Variants in PLG observed in about 807,000 individuals in gnomAD.
PLG encodes plasminogen, also known as plasmin.
In PLG, 41 loss-of-function variants were observed where a neutral mutation model predicts 104.4. That is an observed-to-expected ratio of 0.39 (90% CI 0.31 to 0.51). The LOEUF (loss-of-function observed/expected upper bound fraction) is 0.51. PLG is among the 20% of genes least tolerant of loss of function. The pLI, the probability that PLG is intolerant of heterozygous loss-of-function variation, is 0.76. For synonymous variants in PLG, 337 were observed against 357.1 expected, an observed-to-expected ratio of 0.94 and a Z score of 0.63; for missense variants, 891 against 1,003.6, an observed-to-expected ratio of 0.89 and a Z score of 1.52.
At chr6:160,743,864 T>C (rs546432054) in intron 17 of PLG, among the ~76,000 whole-genome samples, 2 of 152,210 alleles carry the variant, frequency 1.3e-5, no homozygotes, top group African/African-American at 2.4e-5. Flanking sequence ...GAGTTTTCAA[T>C]ATAAAGGATG....
chr6:160,715,017 C>T (rs764569891), intron 6 of PLG, 103 bp downstream of exon 6: 161 of 1,170,992 alleles, frequency 1.4e-4, no homozygotes, highest in Middle Eastern at 2.7e-4. Flanking sequence ...AAGAAGTGAA[C>T]GCCTGATGTT....
chr6:160,704,788 C>T (rs1777486954), intron 1 of PLG, among the ~76,000 whole-genome samples: 1 of 152,340 alleles, frequency 6.6e-6, no homozygotes, highest in East Asian at 1.9e-4. Context: ...TGGCCGAGGA[C>T]TTTGCATGAA....
At chr6:160,733,846 GAAAAAAAAA>G (rs10540264) in intron 12 of PLG, 140 bp from the exon 13 acceptor site, 135 of 349,562 alleles carry the variant, frequency 3.9e-4, no homozygotes, top group East Asian at 1.3e-3. Context: ...CTCCACCTCA[GAAAAAAAAA>G]AAAAAAAAAA....
At chr6:160,728,148 T>C (rs1164533830) in intron 10 of PLG, among the ~76,000 whole-genome samples, 1 of 151,992 alleles carries the variant, frequency 6.6e-6, no homozygotes, top group African/African-American at 2.4e-5. Flanking sequence ...TGTATTTTTA[T>C]ACACTGCCAA....
Position 160,736,494 on chromosome 6 carries a change from A to AGATGGT in PLG, c.1682-382_1682-377dup, listed in dbSNP as rs1165504866. Among the ~76,000 whole-genome samples, 2 of 152,328 alleles carry AGATGGT rather than the reference A, an allele frequency of 1.3e-5. No homozygotes were observed. Among genetic ancestry groups the AGATGGT allele is most frequent in the Admixed American group, 6.5e-5 (1 of 15,302 alleles). On this transcript the variant is annotated intron_variant, in intron 13 of 18. Transcript: ENST00000308192. The surrounding 1 kb of genome is among the most constrained non-coding windows in gnomAD (Gnocchi z 5.2). ...GTTTTCAGTAAACTTTACATGGTTT[A>AGATGGT]GATGGTGATGGTGATGATGATGATT... is the stretch of plus-strand genomic sequence containing the variant.
chr6:160,710,979 C>G (rs1292813613), intron 3 of PLG, 98 bp from the exon 4 acceptor site: 4 of 1,054,264 alleles, frequency 3.8e-6, no homozygotes, highest in Non-Finnish European at 1.5e-6. Flanking sequence ...AACAGGGGGT[C>G]TGGTGCATGA....
chr6:160,710,981 G>T, intron 3 of PLG, 96 bp from the exon 4 acceptor site: 2 of 1,080,530 alleles, frequency 1.9e-6, no homozygotes, highest in African/African-American at 1.5e-5. Context: ...CAGGGGGTCT[G>T]GTGCATGAGA....
At chr6:160,730,580 G>A (rs905663883) in intron 10 of PLG, among the ~76,000 whole-genome samples, 8 of 152,280 alleles carry the variant, frequency 5.3e-5, no homozygotes, top group Non-Finnish European at 1.0e-4. Flanking sequence ...CATCTTGGAT[G>A]TCATTTTCTC....
Position 160,736,784 on chromosome 6 carries a change from C to A in PLG, c.1682-103C>A. ...ATGATGATTTTACTATTTAGTTCGG[C>A]CTTTAAGATGTCAAAAACTCAGTGC... On this transcript the variant is annotated intron_variant, in intron 13 of 18. Transcript: ENST00000308192. The surrounding 1 kb of genome is among the most constrained non-coding windows in gnomAD (Gnocchi z 5.2). 1 of 1,443,788 alleles carries A rather than the reference C, an allele frequency of 6.9e-7. No individual in the cohort carries two copies. Among genetic ancestry groups the A allele is most frequent in the Non-Finnish European group, 9.7e-7 (1 of 1,030,302 alleles). The allele number at this position is 1,443,788 out of a possible 1,614,324, so 89.4% of individuals were successfully genotyped here. A position where few individuals can be genotyped will look rare whatever the true frequency, so the allele number is the denominator to read the frequency against.
intron 10 of PLG, among the ~76,000 whole-genome samples, chr6:160,728,303 G>T (rs1205250846): frequency 2.0e-5 from 3 of 152,204 alleles, no homozygotes; most frequent in East Asian, 3.8e-4. Context: ...GGAATCAAAA[G>T]ATCTAAATAA....
At position 160,725,664 on chromosome 6, in the gene PLG, C is replaced by T. The variant is rs1469121403; in HGVS notation, c.1256+3097C>T. On this transcript the variant is annotated intron_variant, in intron 10 of 18. Transcript: ENST00000308192. This position sits in a 1 kb window ranked among gnomAD's most constrained non-coding sequence, Gnocchi z 6.3. ...GGGATTAAACATTGCACAGAAAAGG[C>T]AGAGATTATTAAGCTGAATAAAAAT... is the stretch of plus-strand genomic sequence containing the variant. 6.6e-6 allele frequency among the ~76,000 whole-genome samples: 1 copy of T among 151,960 alleles called. No homozygotes were observed. The highest frequency in any genetic ancestry group is 2.4e-5 in the African/African-American group (1 of 41,394).
intron 17 of PLG, among the ~76,000 whole-genome samples, chr6:160,747,949 G>T (rs1778304796): frequency 6.6e-6 from 1 of 152,178 alleles, no homozygotes; most frequent in Admixed American, 6.5e-5. Flanking sequence ...TGTGTGGGAT[G>T]GTACAGACTA....
intron 9 of PLG, among the ~76,000 whole-genome samples, chr6:160,720,143 G>A: frequency 6.6e-6 from 1 of 152,058 alleles, no homozygotes; most frequent in East Asian, 1.9e-4. Context: ...ACTGGGTTGA[G>A]AGTTTCATCA....
In PLG at chr6:160,711,749, T is replaced by C. The variant is rs1369075504; in HGVS notation, c.407+558T>C. ...GAAACTATGAGTTTTAGGCCAAATC[T>C]GAGAAAAGATCAAAGATGACTATGT... On this transcript the variant is annotated intron_variant, in intron 4 of 18. Coordinates refer to ENST00000308192, the MANE Select transcript of PLG (RefSeq NM_000301.5). 20 of 1,602,942 alleles carry C rather than the reference T, an allele frequency of 1.2e-5. No individual in the cohort carries two copies. The Admixed American group carries it at 3.2e-4, about 26-fold the overall frequency.
At chr6:160,743,230 A>G (rs1778224618) in intron 17 of PLG, among the ~76,000 whole-genome samples, 1 of 152,176 alleles carries the variant, frequency 6.6e-6, no homozygotes, top group African/African-American at 2.4e-5. Context: ...AATAGCAATG[A>G]ATCTGTAAAT....
chr6:160,712,743 TA>T (rs1777666594), intron 4 of PLG, among the ~76,000 whole-genome samples: 1 of 152,162 alleles, frequency 6.6e-6, no homozygotes, highest in Admixed American at 6.5e-5. Flanking sequence ...GACTGTGCAA[TA>T]AAAATATTTT....
intron 2 of PLG, 48 bp downstream of exon 2, chr6:160,706,590 G>A (rs750207936): frequency 8.9e-5 from 139 of 1,562,318 alleles, no homozygotes; most frequent in Admixed American, 4.2e-4. Context: ...AATTCAGATG[G>A]CAAGTAATTT....
chr6:160,721,694 T>TC (rs1777831818), intron 9 of PLG, among the ~76,000 whole-genome samples: 2 of 152,208 alleles, frequency 1.3e-5, no homozygotes, highest in South Asian at 2.1e-4. Flanking sequence ...AATACTTATC[T>TC]CCCTGGTCTA....
chr6:160,735,456 G>T lies in PLG; in HGVS notation c.1681+1368G>T, dbSNP rs1287367246. On this transcript the variant is annotated intron_variant, in intron 13 of 18. Coordinates refer to ENST00000308192, the MANE Select transcript of PLG (RefSeq NM_000301.5). The surrounding 1 kb of genome is among the most constrained non-coding windows in gnomAD (Gnocchi z 5.4). ...ACAAGAATCAGGTTCTTAGAGATTGGAGAAAGAAGGAAGAATGGGAACAAG... is the reference window on the plus strand; with the variant it reads ...ACAAGAATCAGGTTCTTAGAGATTGTAGAAAGAAGGAAGAATGGGAACAAG... Among the ~76,000 whole-genome samples the T allele has an allele frequency of 6.6e-6, 1 of 152,188 alleles. No homozygotes were observed. The highest frequency in any genetic ancestry group is 1.5e-5 in the Non-Finnish European group (1 of 68,048).
Sources: allele counts gnomAD v4.1 joint callset (sites outside exome capture counted in the v4.1 genomes callset), GRCh38; gene constraint gnomAD v4.1.1; non-coding constraint Gnocchi (gnomAD v3.1); transcripts MANE v1.5; gene names NCBI Gene and HGNC (gene_info 2026-07-23, HGNC 2026-07-21).